NOL4: variants seen among roughly 807,000 people sequenced by gnomAD.
NOL4 encodes nucleolar protein 4.
NOL4 carries 17 observed loss-of-function variants against 75.9 expected under a neutral mutation model. The ratio of observed to expected loss-of-function variants is 0.22; its 90% CI spans 0.15 to 0.34. NOL4 has a LOEUF of 0.34. NOL4 is among the 10% of genes least tolerant of loss of function. The pLI is 1.00. For synonymous variants in NOL4, 292 were observed against 289.9 expected (o/e 1.01, Z -0.07); for missense variants, 614 against 793.5 (o/e 0.77, Z 2.72).
At chr18:34,028,207 C>G (rs1450363129) in intron 5 of NOL4, among the ~76,000 whole-genome samples, 1 of 152,156 alleles carries the variant, frequency 6.6e-6, no homozygotes, top group Admixed American at 6.5e-5. Flanking sequence ...TAAGCATGGC[C>G]ATCTATAAAA....
chr18:34,139,919 C>T (rs2145980765), intron 1 of NOL4, among the ~76,000 whole-genome samples: 1 of 152,246 alleles, frequency 6.6e-6, no homozygotes, highest in East Asian at 1.9e-4. Context: ...TTTATTTCTG[C>T]CTTCATTTTG....
intron 1 of NOL4, among the ~76,000 whole-genome samples, chr18:34,175,555 T>G (rs1022145941): frequency 6.6e-6 from 1 of 152,118 alleles, no homozygotes; most frequent in African/African-American, 2.4e-5. Flanking sequence ...TGGGCTAAGC[T>G]TTCACCTCTG....
chr18:34,181,367 C>T (rs2034016248), intron 1 of NOL4, among the ~76,000 whole-genome samples: 1 of 151,360 alleles, frequency 6.6e-6, no homozygotes, highest in East Asian at 1.9e-4. Flanking sequence ...TAGATATGCA[C>T]ACGTTAAAAA....
rs576918823 is a variant in NOL4, at chr18:33,858,044, T to C, written c.1724-5009A>G. Among the ~76,000 whole-genome samples the C allele has an allele frequency of 2.6e-5, 4 of 152,210 alleles. No individual in the cohort carries two copies. The South Asian group carries it at 6.2e-4, about 24-fold the overall frequency. On this transcript the variant is annotated intron_variant, in intron 10 of 10. Coordinates refer to ENST00000261592, the MANE Select transcript of NOL4 (RefSeq NM_003787.5). ...CAACAACAGAGTAGTATTAGTACCA[T>C]CTCAACTCAAGAGGCAAGGAAAACT...
intron 5 of NOL4, among the ~76,000 whole-genome samples, chr18:34,022,751 T>C (rs562710946): frequency 9.0e-4 from 137 of 152,160 alleles, no homozygotes; most frequent in African/African-American, 3.0e-3. Context: ...ACCCTAAGTA[T>C]ATATTATATT....
chr18:34,142,453 T>C (rs1173313351), intron 1 of NOL4, among the ~76,000 whole-genome samples: 1 of 152,192 alleles, frequency 6.6e-6, no homozygotes, highest in Non-Finnish European at 1.5e-5. Context: ...AATGATAGAC[T>C]GGATTAAGAA....
intron 1 of NOL4, among the ~76,000 whole-genome samples, chr18:34,198,675 G>A (rs1054456924): frequency 6.6e-6 from 1 of 151,768 alleles, no homozygotes; most frequent in Non-Finnish European, 1.5e-5. Context: ...TAAAATACCT[G>A]TACATTTGAC....
chr18:33,896,830 G>C (rs1390208172), intron 9 of NOL4, among the ~76,000 whole-genome samples: 1 of 152,092 alleles, frequency 6.6e-6, no homozygotes, highest in Admixed American at 6.6e-5. Context: ...AGAGTAAACA[G>C]ACAACCTACA....
intron 6 of NOL4, among the ~76,000 whole-genome samples, chr18:34,018,439 T>C (rs2074835858): frequency 2.6e-5 from 4 of 152,266 alleles, no homozygotes; most frequent in African/African-American, 9.6e-5. Flanking sequence ...GGAAGCATAA[T>C]GCCTTAGCAA....
In NOL4 at chr18:34,105,072, T is replaced by C; in HGVS notation, c.503A>G (p.Asn168Ser). The C allele has an allele frequency of 6.2e-7, 1 of 1,610,812 alleles. No homozygotes were observed. Among genetic ancestry groups the C allele is most frequent in the South Asian group, 1.1e-5 (1 of 91,034 alleles). The change falls in exon 3 of 11, where the codon AAC (asparagine) becomes AGC (serine). Residue 168 changes from asparagine (N) to serine (S), a missense_variant. Physicochemically the swap from Asn to Ser is conservative, Grantham distance 46. Around this residue, in one of 9 missense-constraint regions of NOL4, gnomAD observed 135 missense variants for 220.4 expected, o/e 0.61. Transcript: ENST00000261592. ...ACCTTTATGATCTGTTCCATCTGGG[T>C]TTAAATGCATTCTTTTCTGGCACTC... Reference protein sequence around the residue: ...CSECQKRMHLNPDGTDHKDNG... With the variant: ...CSECQKRMHLSPDGTDHKDNG...
At chr18:33,985,455 C>G (rs1437860645) in intron 6 of NOL4, among the ~76,000 whole-genome samples, 2 of 151,994 alleles carry the variant, frequency 1.3e-5, no homozygotes, top group Non-Finnish European at 2.9e-5. Context: ...TTTTTCAATC[C>G]TATACAAATT....
intron 5 of NOL4, among the ~76,000 whole-genome samples, chr18:34,061,936 T>G (rs899007311): frequency 1.3e-5 from 2 of 152,100 alleles, no homozygotes; most frequent in African/African-American, 4.8e-5. Context: ...AGGAACTACC[T>G]CTTTCTTCAA....
intron 9 of NOL4, among the ~76,000 whole-genome samples, chr18:33,907,341 A>G (rs2145084749): frequency 6.6e-6 from 1 of 151,514 alleles, no homozygotes; most frequent in African/African-American, 2.4e-5. Context: ...AAAAAAAAAA[A>G]AAGACCTTGA....
intron 9 of NOL4, among the ~76,000 whole-genome samples, chr18:33,942,030 G>T (rs2068525038): frequency 6.6e-6 from 1 of 151,846 alleles, no homozygotes; most frequent in South Asian, 2.1e-4. Context: ...GTGGCATTTA[G>T]AATTATTAGC....
intron 6 of NOL4, among the ~76,000 whole-genome samples, chr18:33,964,479 A>G (rs529024634): frequency 6.6e-4 from 101 of 152,014 alleles, no homozygotes; most frequent in African/African-American, 2.3e-3. Context: ...AAGAAAAGAA[A>G]GAAAAGAAAG....
At chr18:33,856,662 T>A (rs1212212655) in intron 10 of NOL4, among the ~76,000 whole-genome samples, 1 of 152,102 alleles carries the variant, frequency 6.6e-6, no homozygotes, top group African/African-American at 2.4e-5. Flanking sequence ...ACATTTTAAA[T>A]TAATTCTTTA....
intron 2 of NOL4, chr18:34,128,777 A>C (rs1456226830): frequency 3.7e-6 from 2 of 545,380 alleles, no homozygotes; most frequent in African/African-American, 4.1e-5. Flanking sequence ...TGACCCTGGA[A>C]ATATAGCAAA....
intron 2 of NOL4, among the ~76,000 whole-genome samples, chr18:34,121,050 A>G (rs1380780468): frequency 1.3e-5 from 2 of 152,236 alleles, no homozygotes; most frequent in East Asian, 3.8e-4. Flanking sequence ...ATAACAGAGA[A>G]TTCTTATATT....
intron 1 of NOL4, chr18:34,183,541 A>G (rs2034216151): frequency 6.6e-6 from 1 of 151,982 alleles, no homozygotes; most frequent in South Asian, 2.1e-4. Flanking sequence ...CTTGTATGCA[A>G]TTGTAGCAGC....
Sources: gnomAD v4.1 joint callset for allele counts (sites outside exome capture counted in the v4.1 genomes callset) on GRCh38, gnomAD v4.1.1 for gene constraint, gnomAD v4.1.1 regional missense constraint, MANE v1.5 for transcripts, NCBI Gene and HGNC (gene_info 2026-07-23, HGNC 2026-07-21) for gene names.